Variants in GRID2 observed in about 807,000 individuals in gnomAD.
The protein encoded by GRID2 is glutamate ionotropic receptor delta type subunit 2.
GRID2 carries 33 observed loss-of-function variants against 114.8 expected under a neutral mutation model. The ratio of observed to expected loss-of-function variants is 0.29; its 90% CI spans 0.22 to 0.38. The LOEUF is 0.38. GRID2 is among the 10% of genes least tolerant of loss of function. The probability of loss-of-function intolerance (pLI) is 1.00; values close to 1 mark genes in which losing one functional copy is unlikely to be tolerated. For missense variants in GRID2, 1,184 were observed against 1,257.7 expected, an observed-to-expected ratio of 0.94 and a Z score of 0.89; for synonymous variants, 505 against 449.9, an observed-to-expected ratio of 1.12 and a Z score of -1.55.
At chr4:92,553,326 A>G (rs1296492262) in intron 1 of GRID2, among the ~76,000 whole-genome samples, 1 of 152,162 alleles carries the variant, frequency 6.6e-6, no homozygotes, top group Non-Finnish European at 1.5e-5. Context: ...CTTTGATAGC[A>G]TAGGAAAGGA....
chr4:93,212,707 A>G (rs1418381205), intron 5 of GRID2, among the ~76,000 whole-genome samples: 1 of 151,754 alleles, frequency 6.6e-6, no homozygotes, highest in East Asian at 1.9e-4. Context: ...AGTGTAAGAC[A>G]TTATTCTCTG....
rs1742940023 is a variant in GRID2 at position 92,842,083 on chromosome 4, G to T, written c.245-242912G>T. ...AGGTGTCATCTCTCTAAATACGATG[G>T]TTAGATTTTTAAGAATGCTGCATGA... On this transcript the variant is annotated intron_variant, in intron 2 of 15. Transcript: ENST00000282020. Among the ~76,000 whole-genome samples, 3 of 152,022 alleles carry T rather than the reference G, an allele frequency of 2.0e-5. No individual in the cohort carries two copies. The South Asian group carries it at 6.2e-4, about 32-fold the overall frequency.
intron 14 of GRID2, among the ~76,000 whole-genome samples, chr4:93,703,212 T>G (rs988640445): frequency 1.3e-5 from 2 of 152,178 alleles, no homozygotes; most frequent in Middle Eastern, 3.2e-3. Flanking sequence ...CTCATTTTTC[T>G]AAAGTGTTAC....
At chr4:93,390,758 A>T (rs1764775247) in intron 8 of GRID2, among the ~76,000 whole-genome samples, 1 of 152,158 alleles carries the variant, frequency 6.6e-6, no homozygotes, top group Admixed American at 6.6e-5. Flanking sequence ...TGCATAAAAC[A>T]TCTATGGGTT....
chr4:93,229,148 A>G (rs1745826103), intron 7 of GRID2, among the ~76,000 whole-genome samples: 1 of 152,148 alleles, frequency 6.6e-6, no homozygotes, highest in Admixed American at 6.6e-5. Context: ...CTGACTTTAA[A>G]AATGGATTTT....
At chr4:93,097,442 A>T (rs10013748) in intron 3 of GRID2, among the ~76,000 whole-genome samples, 9,882 of 151,788 alleles carry the variant, frequency 0.065, 687 homozygotes, top group African/African-American at 0.18. Context: ...CATAAAAAAA[A>T]GGTGAGAATT....
chr4:93,125,482 T>C (rs565096113), intron 4 of GRID2, among the ~76,000 whole-genome samples: 56 of 152,270 alleles, frequency 3.7e-4, no homozygotes, highest in Non-Finnish European at 5.7e-4. Flanking sequence ...AGTTGAAACA[T>C]AATAAGTTGT....
chr4:93,112,911 G>A (rs1560892397), intron 4 of GRID2, among the ~76,000 whole-genome samples: 1 of 152,114 alleles, frequency 6.6e-6, no homozygotes, highest in Non-Finnish European at 1.5e-5. Flanking sequence ...GTTTGGATGA[G>A]GGTTCACCCT....
At chr4:92,384,306 G>C (rs1729762549) in intron 1 of GRID2, among the ~76,000 whole-genome samples, 1 of 147,204 alleles carries the variant, frequency 6.8e-6, no homozygotes, top group South Asian at 2.1e-4. Flanking sequence ...AGCCACAAGA[G>C]CCCTTTATGT....
chr4:92,966,296 A>C (rs1578626300), intron 2 of GRID2, among the ~76,000 whole-genome samples: 2 of 151,884 alleles, frequency 1.3e-5, no homozygotes, highest in Non-Finnish European at 2.9e-5. Flanking sequence ...AAGTGGTATG[A>C]TAATACTTGC....
intron 1 of GRID2, among the ~76,000 whole-genome samples, chr4:92,420,226 A>C (rs1226996367): frequency 6.6e-6 from 1 of 152,166 alleles, no homozygotes; most frequent in Non-Finnish European, 1.5e-5. Flanking sequence ...CTAAACTATA[A>C]TATAAACTTA....
chr4:92,505,119 T>C (rs1723892540), intron 1 of GRID2, among the ~76,000 whole-genome samples: 1 of 152,034 alleles, frequency 6.6e-6, no homozygotes, highest in African/African-American at 2.4e-5. Context: ...TAAACCATAG[T>C]GGCTTTTTGA....
chr4:92,506,320 C>A (rs1723969752), intron 1 of GRID2, among the ~76,000 whole-genome samples: 2 of 151,970 alleles, frequency 1.3e-5, no homozygotes, highest in Admixed American at 6.6e-5. Flanking sequence ...ACAACAATAG[C>A]TTTCTGGACA....
chr4:93,019,694 C>T (rs1178680319), intron 2 of GRID2, among the ~76,000 whole-genome samples: 3 of 152,108 alleles, frequency 2.0e-5, no homozygotes, highest in Admixed American at 2.0e-4. Flanking sequence ...TGCCCAAAGC[C>T]TTAGAAAATT....
intron 8 of GRID2, among the ~76,000 whole-genome samples, chr4:93,276,645 A>G (rs547080334): frequency 2.0e-4 from 30 of 152,090 alleles, no homozygotes; most frequent in African/African-American, 7.2e-4. Context: ...ACTCTTGTTA[A>G]ATATATTTCT....
intron 13 of GRID2, among the ~76,000 whole-genome samples, chr4:93,538,684 C>T (rs1732351173): frequency 6.6e-6 from 1 of 151,528 alleles, no homozygotes; most frequent in Admixed American, 6.6e-5. Context: ...ATTCATAACC[C>T]AAGTCTAATC....
At chr4:92,861,042 A>G (rs376569805) in intron 2 of GRID2, among the ~76,000 whole-genome samples, 1 of 152,096 alleles carries the variant, frequency 6.6e-6, no homozygotes, top group Non-Finnish European at 1.5e-5. Context: ...AAGTAAATCA[A>G]TCCTTCCTTA....
chr4:92,605,195 A>T (rs1023901450), intron 2 of GRID2, among the ~76,000 whole-genome samples: 1 of 152,090 alleles, frequency 6.6e-6, no homozygotes, highest in Non-Finnish European at 1.5e-5. Context: ...ATGAAAATGG[A>T]CTAATACACC....
At chr4:93,004,488 G>C (rs529955517) in intron 2 of GRID2, among the ~76,000 whole-genome samples, 2 of 152,136 alleles carry the variant, frequency 1.3e-5, no homozygotes, top group East Asian at 3.9e-4. Context: ...TTTGTACACT[G>C]TTCCTGCAAT....
Sources: allele counts gnomAD v4.1 joint callset (sites outside exome capture counted in the v4.1 genomes callset), GRCh38; gene constraint gnomAD v4.1.1; transcripts MANE v1.5; gene names NCBI Gene and HGNC (gene_info 2026-07-23, HGNC 2026-07-21).